Variants in KBTBD4 observed in about 807,000 individuals in gnomAD.
KBTBD4 encodes the protein kelch repeat and BTB domain containing 4.
In KBTBD4, 30 loss-of-function variants were observed where a neutral mutation model predicts 43.9. The observed-to-expected ratio is 0.68, with a 90% CI of 0.51 to 0.93. The LOEUF (loss-of-function observed/expected upper bound fraction) is 0.93. Ranked by LOEUF, KBTBD4 falls within the 40% of genes least tolerant of loss-of-function variation. KBTBD4 has a pLI of 0.00. For missense variants in KBTBD4, 575 were observed against 668.8 expected (o/e 0.86, Z 1.55); for synonymous variants, 258 against 256.9 (o/e 1.00, Z -0.04).
Position 47,577,874 on chromosome 11 carries a change from C to T in KBTBD4, c.174G>A (p.Glu58=). 6.2e-7 allele frequency: 1 copy of T among 1,614,228 alleles called. No individual in the cohort carries two copies. Among genetic ancestry groups the T allele is most frequent in the South Asian group, 1.1e-5 (1 of 91,084 alleles). Residue 58 remains glutamate, a synonymous_variant, in exon 2 of 4, where the codon GAG becomes GAA. Coordinates refer to ENST00000430070, the MANE Select transcript of KBTBD4 (RefSeq NM_018095.6). ...QGIMKLCLEE[E]LFADVTISVE... is the part of the protein sequence containing the mutation. ...CCGAAATGGTGACATCAGCAAAGAG[C>T]TCCTCCTCTAGACACAGTTTCATGA...
rs1409940730 is a variant in KBTBD4, at chr11:47,572,718, AG to A, written c.*211del. The A allele has an allele frequency of 6.8e-6, 4 of 586,200 alleles. No individual in the cohort carries two copies. Among genetic ancestry groups the A allele is most frequent in the Non-Finnish European group, 6.0e-6 (2 of 332,626 alleles). 36.3% of individuals were successfully genotyped at this position (586,200 alleles called of 1,614,324 possible). On this transcript the variant is annotated 3_prime_UTR_variant, in exon 4 of 4. Transcript: ENST00000430070. ...GGATGACTAGGGAATGGCAGAGAAC[AG>A]GCTGGCCTACTGTCAGTTCAAGCAA...
Position 47,573,242 on chromosome 11 carries a change from A to G in KBTBD4, c.1293T>C (p.Tyr431=), listed in dbSNP as rs1316821274. The change falls in exon 4 of 4, where the codon TAT becomes TAC. Residue 431 remains tyrosine, a synonymous_variant. Transcript: ENST00000430070. This position sits in a 1 kb window ranked among gnomAD's most constrained non-coding sequence, Gnocchi z 4.1. ...TETDKCHVKP[Y]VLPFAGRMHA... ...GCATGCGGCCTGCAAAGGGCAGCAC[A>G]TAGGGCTTCACATGGCATTTGTCTG... The G allele has an allele frequency of 1.2e-6, 2 of 1,614,060 alleles. No homozygotes were observed. Among genetic ancestry groups the G allele is most frequent in the East Asian group, 2.2e-5 (1 of 44,894 alleles).
rs563569961 is a variant in KBTBD4, at chr11:47,578,568, C to T, written c.19+365G>A. On this transcript the variant is annotated intron_variant, in intron 1 of 3. Transcript: ENST00000430070. ...TTGCTCTCTTCTGAGCTGCTTCCCC[C>T]ACACTTCCCCGCTCGCTCGAAAGAC... 330 of 702,226 alleles carry T rather than the reference C, an allele frequency of 4.7e-4. 2 individuals carry two copies. In the South Asian group the frequency reaches 4.7e-3, roughly 10 times the overall value. 43.5% of individuals were successfully genotyped at this position (702,226 alleles called of 1,614,324 possible).
In KBTBD4 at chr11:47,578,886, C is replaced by T. The variant is rs2280231; in HGVS notation, c.19+47G>A. The T allele has an allele frequency of 0.26, 403,998 of 1,550,998 alleles. 55,810 individuals are homozygous for T. The highest frequency in any genetic ancestry group is 0.28 in the Middle Eastern group (1,643 of 5,790). ...TAGGCTCTGCCACAAGGAGCTAGGA[C>T]CACGCTCACCTCACGATTTCCCTAC... On this transcript the variant is annotated intron_variant, in intron 1 of 3. Coordinates refer to ENST00000430070, the MANE Select transcript of KBTBD4 (RefSeq NM_018095.6).
chr11:47,573,236 C>T lies in KBTBD4; in HGVS notation c.1299G>A (p.Leu433=), dbSNP rs149097832. 123 of 1,614,020 alleles carry T rather than the reference C, an allele frequency of 7.6e-5. No homozygotes were observed. In the African/African-American group the frequency reaches 1.5e-3, roughly 20 times the overall value. The change falls in exon 4 of 4, where the codon CTG becomes CTA. Residue 433 remains leucine, a synonymous_variant. Transcript: ENST00000430070. The surrounding 1 kb of genome is among the most constrained non-coding windows in gnomAD (Gnocchi z 4.1). Reference sequence around the variant, plus strand: ...CTGCGTGCATGCGGCCTGCAAAGGGCAGCACATAGGGCTTCACATGGCATT... The same window carrying T: ...CTGCGTGCATGCGGCCTGCAAAGGGTAGCACATAGGGCTTCACATGGCATT... The part of the protein sequence containing the change: ...TDKCHVKPYV[L]PFAGRMHAAV...
At position 47,578,969 on chromosome 11, in the gene KBTBD4, C is replaced by T; in HGVS notation, c.-18G>A. On this transcript the variant is annotated 5_prime_UTR_variant, in exon 1 of 4. Transcript: ENST00000430070. ...CCTTTCATCCCGGAGCCCGGAACCTCCGCTTCCGGCTCCACGTCCGCCCGG... is the reference window on the plus strand; with the variant it reads ...CCTTTCATCCCGGAGCCCGGAACCTTCGCTTCCGGCTCCACGTCCGCCCGG... 4.5e-6 allele frequency: 7 copies of T among 1,551,662 alleles called. No homozygotes were observed. The highest frequency in any genetic ancestry group is 1.7e-4 in the Middle Eastern group (1 of 5,992).
intron 2 of KBTBD4, 25 bp downstream of exon 2, chr11:47,577,386 T>C (rs1439986746): frequency 2.5e-6 from 4 of 1,571,212 alleles, no homozygotes; most frequent in Non-Finnish European, 1.7e-6. Context: ...TAACTGGGTA[T>C]GGTGTGTCCC....
chr11:47,574,817 G>A (rs959586433), intron 3 of KBTBD4, among the ~76,000 whole-genome samples: 2 of 151,776 alleles, frequency 1.3e-5, no homozygotes, highest in Non-Finnish European at 2.9e-5. Flanking sequence ...TCGCACCATC[G>A]CACTCTAGCC....
In KBTBD4 at chr11:47,572,904, G is replaced by A; in HGVS notation, c.*26C>T. On this transcript the variant is annotated 3_prime_UTR_variant, in exon 4 of 4. Transcript: ENST00000430070. ...TTGTATGGGGAGGGAAAAGGAGTGA[G>A]CAGTTCTCCTCCCCTCCCCACAGCC... 6.3e-7 allele frequency: 1 copy of A among 1,592,676 alleles called. No homozygotes were observed. Among genetic ancestry groups the A allele is most frequent in the Non-Finnish European group, 8.6e-7 (1 of 1,167,110 alleles).
Position 47,577,619 on chromosome 11 carries a change from C to T in KBTBD4, c.429G>A (p.Leu143=). The T allele has an allele frequency of 4.3e-6, 7 of 1,614,196 alleles. No individual in the cohort carries two copies. Among genetic ancestry groups the T allele is most frequent in the Non-Finnish European group, 5.9e-6 (7 of 1,180,038 alleles). Residue 143 remains leucine, a synonymous_variant, in exon 2 of 4, where the codon CTG becomes CTA. Transcript: ENST00000430070. ...EIYEVSDMYQ[L]TSLFEECSRF... ...GAGAGCATTCCTCAAAGAGAGATGT[C>T]AGCTGATACATGTCTGACACCTCAT...
In KBTBD4 at chr11:47,573,261, TTGTC is replaced by T; in HGVS notation, c.1270_1273del (p.Asp424AsnfsTer4). ...CAGCACATAGGGCTTCACATGGCAT[TTGTC>T]TGTCTCTGTGTCAAAGCACTGGATG... On this transcript the variant is annotated frameshift_variant, in exon 4 of 4. Transcript: ENST00000430070. LOFTEE classifies it high-confidence loss of function. The surrounding 1 kb of genome is among the most constrained non-coding windows in gnomAD (Gnocchi z 4.1). 6.2e-7 allele frequency: 1 copy of T among 1,614,090 alleles called. No individual in the cohort carries two copies. The highest frequency in any genetic ancestry group is 8.5e-7 in the Non-Finnish European group (1 of 1,180,014).
Position 47,572,885 on chromosome 11 carries a change from G to A in KBTBD4, c.*45C>T. ...GGCCCAGGGGACTTTGAGTTTGTAT[G>A]GGGAGGGAAAAGGAGTGAGCAGTTC... is the stretch of plus-strand genomic sequence containing the variant. On this transcript the variant is annotated 3_prime_UTR_variant, in exon 4 of 4. Transcript: ENST00000430070. The A allele has an allele frequency of 6.4e-7, 1 of 1,570,756 alleles. No individual in the cohort carries two copies. The highest frequency in any genetic ancestry group is 8.6e-7 in the Non-Finnish European group (1 of 1,156,780).
intron 3 of KBTBD4, 38 bp downstream of exon 3, chr11:47,575,555 A>C: frequency 8.1e-7 from 1 of 1,235,518 alleles, no homozygotes; most frequent in Non-Finnish European, 1.2e-6. Context: ...GAATGCATGG[A>C]GAGTATGCAG....
rs951700962 is a variant in KBTBD4 at position 47,572,318 on chromosome 11, A to G, written c.*612T>C. The stretch of plus-strand genomic sequence containing the variant: ...AAAGTTTCTGCTATTAATCAGAAAT[A>G]ATCATTTCTATTTTCTGGCTTACCC... On this transcript the variant is annotated 3_prime_UTR_variant, in exon 4 of 4. Coordinates refer to ENST00000430070, the MANE Select transcript of KBTBD4 (RefSeq NM_018095.6). 7 of 152,978 alleles carry G rather than the reference A, an allele frequency of 4.6e-5. No homozygotes were observed. Among genetic ancestry groups the G allele is most frequent in the African/African-American group, 1.7e-4 (7 of 41,472 alleles). The allele number at this position is 152,978 out of a possible 1,614,324, so 9.5% of individuals were successfully genotyped here.
chr11:47,578,641 G>T, intron 1 of KBTBD4: 1 of 791,746 alleles, frequency 1.3e-6, no homozygotes, highest in South Asian at 1.5e-5. Context: ...CCCCAGGCCG[G>T]GGCACTGGGA....
In KBTBD4 at chr11:47,577,407, T is replaced by G. The variant is rs759783811; in HGVS notation, c.637+4A>C. ...GGTATGGTGTGTCCCCTCCCTAAACTTACCCGAGATGATATCTGTGAGTAA... is the reference window on the plus strand; with the variant it reads ...GGTATGGTGTGTCCCCTCCCTAAACGTACCCGAGATGATATCTGTGAGTAA... On this transcript the variant is annotated splice_donor_region_variant and intron_variant, in intron 2 of 3. Coordinates refer to ENST00000430070, the MANE Select transcript of KBTBD4 (RefSeq NM_018095.6). The G allele has an allele frequency of 6.3e-7, 1 of 1,595,476 alleles. No homozygotes were observed. Among genetic ancestry groups the G allele is most frequent in the Non-Finnish European group, 8.6e-7 (1 of 1,166,016 alleles).
chr11:47,578,816 C>T, intron 1 of KBTBD4, 117 bp downstream of exon 1: 1 of 1,540,352 alleles, frequency 6.5e-7, no homozygotes, highest in Non-Finnish European at 8.8e-7. Flanking sequence ...CCGCCCCCTC[C>T]CCTCCTCTCA....
At chr11:47,574,578 G>C (rs2097255666) in intron 3 of KBTBD4, among the ~76,000 whole-genome samples, 1 of 152,152 alleles carries the variant, frequency 6.6e-6, no homozygotes. Context: ...GGTTAGGCCA[G>C]GCGCATTGGC....
At position 47,578,942 on chromosome 11, in the gene KBTBD4, C is replaced by G. The variant is rs576440692; in HGVS notation, c.10G>C (p.Gly4Arg). MKG[G>R]NADSWQREKL... ...TGTCTCGCTTTCTCACCTGCGTTCC[C>G]TCCTTTCATCCCGGAGCCCGGAACC... Residue 4 changes from glycine (G) to arginine (R), a missense_variant, in exon 1 of 4, where the codon GGG becomes CGG. Gly to Arg is a moderately radical substitution (Grantham distance 125). Coordinates refer to ENST00000430070, the MANE Select transcript of KBTBD4 (RefSeq NM_018095.6). The G allele has an allele frequency of 6.4e-7, 1 of 1,551,854 alleles. No homozygotes were observed. The highest frequency in any genetic ancestry group is 8.7e-7 in the Non-Finnish European group (1 of 1,147,042).
Sources: allele counts gnomAD v4.1 joint callset (sites outside exome capture counted in the v4.1 genomes callset), GRCh38; gene constraint gnomAD v4.1.1; non-coding constraint Gnocchi (gnomAD v3.1); transcripts MANE v1.5; gene names NCBI Gene and HGNC (gene_info 2026-07-23, HGNC 2026-07-21).